Variants in CDH12 observed in about 807,000 individuals in gnomAD.
The protein encoded by CDH12 is cadherin 12.
CDH12 carries 41 observed loss-of-function variants against 74.1 expected under a neutral mutation model. The observed-to-expected ratio is 0.55, with a 90% CI of 0.43 to 0.72. The LOEUF (loss-of-function observed/expected upper bound fraction) is 0.72, where lower values mean the gene tolerates loss of function less well. CDH12 is among the 30% of genes least tolerant of loss of function. The pLI, the probability that CDH12 is intolerant of heterozygous loss-of-function variation, is 0.00. For missense variants in CDH12, 945 were observed against 977.2 expected, an observed-to-expected ratio of 0.97 and a Z score of 0.44; for synonymous variants, 399 against 355.0, an observed-to-expected ratio of 1.12 and a Z score of -1.39.
chr5:22,092,794 T>C (rs1433360262), intron 4 of CDH12, among the ~76,000 whole-genome samples: 1 of 152,154 alleles, frequency 6.6e-6, no homozygotes, highest in Non-Finnish European at 1.5e-5. Context: ...CAAAAACCTG[T>C]ATACATAACC....
intron 13 of CDH12, among the ~76,000 whole-genome samples, chr5:21,758,368 T>C (rs961383853): frequency 2.0e-5 from 3 of 152,174 alleles, no homozygotes; most frequent in Non-Finnish European, 4.4e-5. Context: ...ACTCTGATTT[T>C]GTGGAGACTC....
intron 4 of CDH12, among the ~76,000 whole-genome samples, chr5:22,125,101 T>C (rs180930074): frequency 0.019 from 2,924 of 152,222 alleles, 41 homozygotes; most frequent in Non-Finnish European, 0.031. Flanking sequence ...TACAACCATT[T>C]TTTTTTTTAA....
chr5:22,179,922 T>C, intron 4 of CDH12, among the ~76,000 whole-genome samples: 1 of 152,140 alleles, frequency 6.6e-6, no homozygotes. Flanking sequence ...AGGAAGCCAC[T>C]AACACATGCA....
chr5:21,860,003 C>G (rs2150006676), intron 6 of CDH12, among the ~76,000 whole-genome samples: 1 of 151,780 alleles, frequency 6.6e-6, no homozygotes, highest in East Asian at 2.0e-4. Flanking sequence ...AGGTTTGGGT[C>G]ACTCCACCAG....
chr5:21,853,773 T>C (rs925692701), intron 7 of CDH12, among the ~76,000 whole-genome samples: 1 of 151,710 alleles, frequency 6.6e-6, no homozygotes. Context: ...AAAATCAATT[T>C]ACAAATTTAA....
chr5:21,832,869 G>T (rs55837705), intron 8 of CDH12, among the ~76,000 whole-genome samples: 60 of 45,500 alleles, frequency 1.3e-3, no homozygotes, highest in African/African-American at 9.0e-3. Context: ...TATATCATAT[G>T]ATATATGATA....
rs544507410 is a variant in CDH12, at chr5:22,785,115, G to A, written c.-523+67943C>T. Among the ~76,000 whole-genome samples, 38 of 152,162 alleles carry A rather than the reference G, an allele frequency of 2.5e-4. No homozygotes were observed. In the East Asian group the frequency reaches 4.9e-3, roughly 19 times the overall value. On this transcript the variant is annotated intron_variant, in intron 1 of 14. Transcript: ENST00000382254. The stretch of plus-strand genomic sequence containing the variant: ...GGACACATCTCCTGTGTACATGCAC[G>A]TGCTCACAGAGGCACACCGATTCTC...
At chr5:22,839,574 C>T (rs187097311) in intron 1 of CDH12, among the ~76,000 whole-genome samples, 29 of 152,172 alleles carry the variant, frequency 1.9e-4, no homozygotes, top group Non-Finnish European at 4.0e-4. Context: ...CCAGGCTGGT[C>T]TTGAACGCCT....
chr5:22,457,283 T>C (rs1745316516), intron 2 of CDH12, among the ~76,000 whole-genome samples: 2 of 152,158 alleles, frequency 1.3e-5, no homozygotes, highest in African/African-American at 2.4e-5. Flanking sequence ...TTCTGGAAGG[T>C]AGAAGTCTGA....
chr5:22,377,334 G>A (rs771748685), intron 3 of CDH12, among the ~76,000 whole-genome samples: 3 of 151,954 alleles, frequency 2.0e-5, no homozygotes, highest in Non-Finnish European at 4.4e-5. Flanking sequence ...GTTTATAAAA[G>A]TTTGGTAGAG....
chr5:22,317,514 C>T (rs1389444916), intron 3 of CDH12, among the ~76,000 whole-genome samples: 1 of 151,938 alleles, frequency 6.6e-6, no homozygotes, highest in Admixed American at 6.6e-5. Flanking sequence ...ACCATGAATA[C>T]AGAGAAAGAC....
intron 1 of CDH12, among the ~76,000 whole-genome samples, chr5:22,673,633 C>T (rs1443764874): frequency 2.0e-5 from 3 of 152,062 alleles, no homozygotes; most frequent in Non-Finnish European, 4.4e-5. Context: ...CACTAGTTCT[C>T]CTCATACCAC....
chr5:21,830,951 T>C (rs957655865), intron 8 of CDH12, among the ~76,000 whole-genome samples: 17 of 151,894 alleles, frequency 1.1e-4, no homozygotes, highest in Non-Finnish European at 2.4e-4. Context: ...AGGCAGAGAA[T>C]TGCTTGAACC....
intron 5 of CDH12, among the ~76,000 whole-genome samples, chr5:22,024,644 C>T (rs1738226221): frequency 6.6e-6 from 1 of 152,116 alleles, no homozygotes. Context: ...TCCCAGGTAG[C>T]TGGGATTACA....
At chr5:22,146,632 C>T (rs983125034) in intron 4 of CDH12, among the ~76,000 whole-genome samples, 3 of 152,032 alleles carry the variant, frequency 2.0e-5, no homozygotes, top group African/African-American at 4.8e-5. Context: ...GAAAACAAAT[C>T]ATTTATAGGT....
At chr5:22,211,164 C>T (rs1751511841) in intron 4 of CDH12, among the ~76,000 whole-genome samples, 1 of 152,066 alleles carries the variant, frequency 6.6e-6, no homozygotes, top group African/African-American at 2.4e-5. Flanking sequence ...AATGTCCCAT[C>T]TCAAGAGATC....
At chr5:22,035,969 C>T (rs1179998838) in intron 5 of CDH12, among the ~76,000 whole-genome samples, 1 of 152,132 alleles carries the variant, frequency 6.6e-6, no homozygotes, top group African/African-American at 2.4e-5. Flanking sequence ...CTGATTATCT[C>T]CCATTCCTAT....
chr5:22,199,392 C>T (rs1269748384), intron 4 of CDH12, among the ~76,000 whole-genome samples: 2 of 152,104 alleles, frequency 1.3e-5, no homozygotes, highest in Non-Finnish European at 2.9e-5. Context: ...TGGTAGCTTC[C>T]TAAGTTCATA....
chr5:22,580,479 T>C, intron 1 of CDH12: 1 of 502,480 alleles, frequency 2.0e-6, no homozygotes, highest in Non-Finnish European at 4.1e-6. Flanking sequence ...GTCAGACAAG[T>C]CATACTTATG....
Sources: allele counts gnomAD v4.1 joint callset (sites outside exome capture counted in the v4.1 genomes callset), GRCh38; gene constraint gnomAD v4.1.1; transcripts MANE v1.5; gene names NCBI Gene and HGNC (gene_info 2026-07-23, HGNC 2026-07-21).